B3GALT1: variants seen among roughly 807,000 people sequenced by gnomAD.
B3GALT1 encodes the protein UDP-Gal:betaGlcNAc beta 1,3-galactosyltransferase, polypeptide 1.
A neutral mutation model predicts 23.2 loss-of-function variants in B3GALT1; 10 were observed. The ratio of observed to expected loss-of-function variants is 0.43; its 90% CI spans 0.27 to 0.73. The LOEUF (loss-of-function observed/expected upper bound fraction) is 0.73, where lower values mean the gene tolerates loss of function less well. Among genes scored for constraint, B3GALT1 ranks in the 30% least tolerant of loss-of-function variants. The probability of loss-of-function intolerance (pLI) is 0.21; values close to 1 mark genes in which losing one functional copy is unlikely to be tolerated. For synonymous variants in B3GALT1, 156 were observed against 141.5 expected (o/e 1.10, Z -0.73); for missense variants, 299 against 405.4 (o/e 0.74, Z 2.25).
At chr2:167,517,139 A>G (rs906637465) in intron 2 of B3GALT1, among the ~76,000 whole-genome samples, 5 of 151,954 alleles carry the variant, frequency 3.3e-5, no homozygotes, top group African/African-American at 1.2e-4. Flanking sequence ...TTTTTGTGAA[A>G]TAGAGACAAG....
At chr2:167,530,391 C>A (rs1465911174) in intron 2 of B3GALT1, among the ~76,000 whole-genome samples, 1 of 152,158 alleles carries the variant, frequency 6.6e-6, no homozygotes, top group Admixed American at 6.6e-5. Context: ...AACTCCCTTG[C>A]TCCTAAGATC....
intron 1 of B3GALT1, among the ~76,000 whole-genome samples, chr2:167,487,721 G>A (rs955023051): frequency 8.5e-5 from 13 of 152,302 alleles, no homozygotes; most frequent in South Asian, 2.1e-4. Context: ...TCATTTTAAA[G>A]TGTGAGTTTG....
chr2:167,691,719 G>A (rs1478419899), intron 3 of B3GALT1, among the ~76,000 whole-genome samples: 1 of 152,040 alleles, frequency 6.6e-6, no homozygotes, highest in African/African-American at 2.4e-5. Context: ...TTCTTCTATG[G>A]AAGACTAAAA....
chr2:167,308,241 G>GCCAAGA (rs1696579594), intron 1 of B3GALT1, among the ~76,000 whole-genome samples: 1 of 151,926 alleles, frequency 6.6e-6, no homozygotes, highest in African/African-American at 2.4e-5. Flanking sequence ...TCAAAACTGA[G>GCCAAGA]TTTTTGATAG....
In B3GALT1 at chr2:167,351,503, A is replaced by G. The variant is rs186288506; in HGVS notation, c.-511+58169A>G. ...AATTACTCTTCATGGCATCAAAAAT[A>G]AGAGAGAATTTTGCCTCAGAAAGCT... On this transcript the variant is annotated intron_variant, in intron 1 of 4. Coordinates refer to ENST00000392690, the MANE Select transcript of B3GALT1 (RefSeq NM_020981.4). Among the ~76,000 whole-genome samples, 289 of 152,306 alleles carry G rather than the reference A, an allele frequency of 1.9e-3. 5 individuals carry two copies. In the Middle Eastern group the frequency reaches 0.027, roughly 14 times the overall value.
chr2:167,428,635 C>T (rs1698658969), intron 1 of B3GALT1, among the ~76,000 whole-genome samples: 1 of 149,894 alleles, frequency 6.7e-6, no homozygotes, highest in Non-Finnish European at 1.5e-5. Flanking sequence ...CTGAGATCGC[C>T]CCACTACACT....
rs142852303 is a variant in B3GALT1, at chr2:167,830,409, G to C, written c.-230+11616G>C. ...AAAAAAAGTTTGGTTAGACAATCAAGGAGACGTGCAAATGTTCCCCAGCCT... is the reference window on the plus strand; with the variant it reads ...AAAAAAAGTTTGGTTAGACAATCAACGAGACGTGCAAATGTTCCCCAGCCT... On this transcript the variant is annotated intron_variant, in intron 4 of 4. Coordinates refer to ENST00000392690, the MANE Select transcript of B3GALT1 (RefSeq NM_020981.4). 5.8e-3 allele frequency among the ~76,000 whole-genome samples: 889 copies of C among 152,082 alleles called. 14 individuals carry two copies. Among genetic ancestry groups the C allele is most frequent in the African/African-American group, 0.021 (859 of 41,454 alleles).
At chr2:167,370,823 G>A in intron 1 of B3GALT1, among the ~76,000 whole-genome samples, 1 of 152,090 alleles carries the variant, frequency 6.6e-6, no homozygotes, top group South Asian at 2.1e-4. Context: ...CTACTCAGGA[G>A]GCTGAGGCAG....
intron 3 of B3GALT1, among the ~76,000 whole-genome samples, chr2:167,663,830 T>C (rs1418807518): frequency 9.9e-5 from 15 of 152,166 alleles, no homozygotes; most frequent in Non-Finnish European, 1.9e-4. Flanking sequence ...CTTGTAAATT[T>C]GTTGGAGTTC....
At chr2:167,547,508 A>G (rs1422040074) in intron 2 of B3GALT1, among the ~76,000 whole-genome samples, 1 of 152,136 alleles carries the variant, frequency 6.6e-6, no homozygotes, top group Admixed American at 6.5e-5. Context: ...CAGCCTGGCC[A>G]ACATGGCAAA....
intron 2 of B3GALT1, among the ~76,000 whole-genome samples, chr2:167,621,644 T>A (rs887868971): frequency 6.6e-6 from 1 of 152,070 alleles, no homozygotes; most frequent in African/African-American, 2.4e-5. Flanking sequence ...GTAGTTCCCA[T>A]AATCCCCACG....
At chr2:167,458,961 G>A (rs1475340380) in intron 1 of B3GALT1, among the ~76,000 whole-genome samples, 3 of 152,014 alleles carry the variant, frequency 2.0e-5, no homozygotes, top group Non-Finnish European at 2.9e-5. Context: ...GTATTTGCCT[G>A]GAATATTCTT....
intron 1 of B3GALT1, among the ~76,000 whole-genome samples, chr2:167,315,757 C>T (rs937385893): frequency 1.3e-5 from 2 of 152,102 alleles, no homozygotes; most frequent in South Asian, 4.1e-4. Flanking sequence ...ATGTTTACTT[C>T]CAAGGCAACA....
chr2:167,853,360 A>G (rs115572228), intron 4 of B3GALT1, among the ~76,000 whole-genome samples: 3,469 of 152,134 alleles, frequency 0.023, 143 homozygotes, highest in African/African-American at 0.077. Context: ...AGAGTTCTCT[A>G]TTTTTTTAAT....
chr2:167,756,040 G>C (rs1258475156), intron 3 of B3GALT1, among the ~76,000 whole-genome samples: 1 of 152,052 alleles, frequency 6.6e-6, no homozygotes, highest in Non-Finnish European at 1.5e-5. Flanking sequence ...TGTTGAAATG[G>C]GAGGCAGTGT....
chr2:167,525,480 C>G (rs1450385852), intron 2 of B3GALT1, among the ~76,000 whole-genome samples: 2 of 151,938 alleles, frequency 1.3e-5, no homozygotes, highest in African/African-American at 4.8e-5. Context: ...TATTTTCTCT[C>G]TCACTTATAT....
intron 2 of B3GALT1, among the ~76,000 whole-genome samples, chr2:167,632,141 T>G (rs1285967496): frequency 3.3e-5 from 5 of 152,154 alleles, no homozygotes; most frequent in African/African-American, 9.7e-5. Flanking sequence ...TTTTTATGGC[T>G]GCATAGTATT....
chr2:167,721,795 G>T (rs1228661796), intron 3 of B3GALT1, among the ~76,000 whole-genome samples: 1 of 152,210 alleles, frequency 6.6e-6, no homozygotes, highest in Non-Finnish European at 1.5e-5. Flanking sequence ...GGCAGCAATG[G>T]CTCTGAATCT....
intron 4 of B3GALT1, among the ~76,000 whole-genome samples, 164 bp downstream of exon 4, chr2:167,818,957 G>A (rs1363743187): frequency 6.6e-6 from 1 of 151,958 alleles, no homozygotes; most frequent in Non-Finnish European, 1.5e-5. Flanking sequence ...ACCTGCTATA[G>A]TATGCAAAAT....
Sources: gnomAD v4.1 joint callset for allele counts (sites outside exome capture counted in the v4.1 genomes callset) on GRCh38, gnomAD v4.1.1 for gene constraint, MANE v1.5 for transcripts, NCBI Gene and HGNC (gene_info 2026-07-23, HGNC 2026-07-21) for gene names.